The following PTPN3 variants were observed in gnomAD, a reference collection of about 807,000 sequenced individuals.
PTPN3 encodes the protein protein tyrosine phosphatase non-receptor type 3.
In PTPN3, 96 loss-of-function variants were observed where a neutral mutation model predicts 132.7. That is an observed-to-expected ratio of 0.72 (90% confidence interval 0.61 to 0.86). The LOEUF (loss-of-function observed/expected upper bound fraction) is 0.86, where lower values mean the gene tolerates loss of function less well. PTPN3 is among the 40% of genes least tolerant of loss of function. The probability of loss-of-function intolerance (pLI) is 0.00; values close to 1 mark genes in which losing one functional copy is unlikely to be tolerated. For missense variants in PTPN3, 1,125 were observed against 1,159.6 expected, an observed-to-expected ratio of 0.97 and a Z score of 0.43; for synonymous variants, 398 against 429.0, an observed-to-expected ratio of 0.93 and a Z score of 0.89.
intron 7 of PTPN3, among the ~76,000 whole-genome samples, chr9:109,444,026 C>T (rs1844676663): frequency 6.6e-6 from 1 of 152,142 alleles, no homozygotes; most frequent in Non-Finnish European, 1.5e-5. Context: ...CTCAGGAGTC[C>T]GTCAGCCTTC....
In PTPN3 at chr9:109,377,438, ACACACACACACACACACAC is replaced by A. The variant is rs1838664724; in HGVS notation, c.*2099_*2117del. ...CACACACACACACACACACACACAC[ACACACACACACACACACAC>A]AAGCCAGGTGAGGTGGCATGTGCCT... On this transcript the variant is annotated 3_prime_UTR_variant, in exon 26 of 26. Transcript: ENST00000374541. The A allele has an allele frequency of 6.9e-6, 1 of 145,426 alleles. No homozygotes were observed. Among genetic ancestry groups the A allele is most frequent in the African/African-American group, 2.8e-5 (1 of 36,286 alleles). 9.0% of individuals were successfully genotyped at this position (145,426 alleles called of 1,614,324 possible). A position where few individuals can be genotyped will look rare whatever the true frequency, so the allele number is the denominator to read the frequency against.
intron 8 of PTPN3, among the ~76,000 whole-genome samples, chr9:109,437,418 A>G (rs1043150331): frequency 1.3e-5 from 2 of 152,186 alleles, no homozygotes; most frequent in African/African-American, 2.4e-5. Context: ...AGGTTTGGCA[A>G]TGCCTTCTTA....
chr9:109,389,166 G>C lies in PTPN3; in HGVS notation c.2253+67C>G, dbSNP rs1588298484. 1.9e-6 allele frequency: 3 copies of C among 1,573,428 alleles called. No individual in the cohort carries two copies. In the East Asian group the frequency reaches 6.8e-5, roughly 36 times the overall value. On this transcript the variant is annotated intron_variant, in intron 22 of 25. Transcript: ENST00000374541. ...GACGCTGAAGACCCTTCTCAGCGCT[G>C]AGATTCATGTTACACAGAGTAGGGT...
At chr9:109,474,311 T>C (rs1846530450) in intron 1 of PTPN3, among the ~76,000 whole-genome samples, 1 of 152,202 alleles carries the variant, frequency 6.6e-6, no homozygotes, top group South Asian at 2.1e-4. Context: ...GGCTTGTCAA[T>C]CTTGTTTACA....
chr9:109,537,261 A>G, the PTPN3 span, among the ~76,000 whole-genome samples: 392 of 152,354 alleles, frequency 2.6e-3, 2 homozygotes, highest in African/African-American at 9.1e-3. Context: ...AGTCTTTCTA[A>G]AAAATTATAG....
chr9:109,475,414 G>C (rs970748269), intron 1 of PTPN3, among the ~76,000 whole-genome samples: 1 of 152,202 alleles, frequency 6.6e-6, no homozygotes, highest in Non-Finnish European at 1.5e-5. Flanking sequence ...AATAGGAGAT[G>C]AGGGACTATA....
chr9:109,384,696 T>C (rs966863060), intron 22 of PTPN3, among the ~76,000 whole-genome samples: 3 of 152,236 alleles, frequency 2.0e-5, no homozygotes, highest in Non-Finnish European at 2.9e-5. Flanking sequence ...CCTGAGCCTA[T>C]ATGTGGTTAT....
intron 25 of PTPN3, among the ~76,000 whole-genome samples, chr9:109,379,896 C>T (rs1838886917): frequency 6.6e-6 from 1 of 152,164 alleles, no homozygotes; most frequent in African/African-American, 2.4e-5. Context: ...GCAAAAGTCC[C>T]TGCGGGACAG....
chr9:109,465,670 T>C (rs566669112), intron 1 of PTPN3, among the ~76,000 whole-genome samples: 1 of 135,088 alleles, frequency 7.4e-6, no homozygotes, highest in Admixed American at 8.3e-5. Context: ...GATCTCGCCA[T>C]TGCACTCCCT....
intron 12 of PTPN3, among the ~76,000 whole-genome samples, chr9:109,424,925 T>C (rs1455427877): frequency 1.3e-5 from 2 of 152,102 alleles, no homozygotes; most frequent in African/African-American, 2.4e-5. Flanking sequence ...GATGAAGAAA[T>C]AGAAGCAACA....
the PTPN3 span, among the ~76,000 whole-genome samples, chr9:109,506,607 CT>C: frequency 0.54 from 71,181 of 131,436 alleles, 18,681 homozygotes; most frequent in East Asian, 0.88. Flanking sequence ...TTCTTTCTTT[CT>C]TTTTTTTTTT....
chr9:109,494,940 C>G (rs1029987515), intron 1 of PTPN3, among the ~76,000 whole-genome samples: 1 of 152,046 alleles, frequency 6.6e-6, no homozygotes, highest in African/African-American at 2.4e-5. Flanking sequence ...GGTGCACACA[C>G]AAGCAGAAGC....
chr9:109,404,191 G>A (rs1841370953), intron 19 of PTPN3, among the ~76,000 whole-genome samples: 1 of 152,174 alleles, frequency 6.6e-6, no homozygotes. Flanking sequence ...CAGCGAGGGT[G>A]GCCACCCTGA....
chr9:109,492,165 G>A (rs1237704856), intron 1 of PTPN3, among the ~76,000 whole-genome samples: 1 of 152,186 alleles, frequency 6.6e-6, no homozygotes, highest in African/African-American at 2.4e-5. Flanking sequence ...CCCTCCCCAG[G>A]CCCAATGGTG....
chr9:109,439,985 C>T (rs557685481), intron 7 of PTPN3, among the ~76,000 whole-genome samples: 9 of 143,848 alleles, frequency 6.3e-5, no homozygotes, highest in African/African-American at 2.3e-4. Context: ...GCCCTCACAA[C>T]ACAGGGCTGC....
At chr9:109,464,995 C>G (rs1846024993) in intron 1 of PTPN3, among the ~76,000 whole-genome samples, 2 of 152,206 alleles carry the variant, frequency 1.3e-5, no homozygotes, top group Non-Finnish European at 2.9e-5. Flanking sequence ...GCTAATGACA[C>G]TGGTGTACTC....
At chr9:109,498,639 C>T (rs1409019644), upstream of PTPN3, among the ~76,000 whole-genome samples, 2 of 152,176 alleles carry the variant, frequency 1.3e-5, no homozygotes, top group Non-Finnish European at 2.9e-5. The surrounding 1 kb of genome is among the most constrained non-coding windows in gnomAD (Gnocchi z 4.2). Flanking sequence ...TCTTGCACGA[C>T]GGGTGCGCGG....
intron 1 of PTPN3, among the ~76,000 whole-genome samples, chr9:109,480,946 G>T (rs1846930889): frequency 6.6e-6 from 1 of 152,162 alleles, no homozygotes; most frequent in African/African-American, 2.4e-5. Flanking sequence ...ATGGTTGGAT[G>T]GTTGATGGAT....
intron 1 of PTPN3, among the ~76,000 whole-genome samples, chr9:109,494,406 C>G (rs1182750448): frequency 6.6e-6 from 1 of 152,196 alleles, no homozygotes; most frequent in Admixed American, 6.5e-5. Context: ...CCACTGCACT[C>G]CAGCCTGATG....
Sources: allele counts gnomAD v4.1 joint callset (sites outside exome capture counted in the v4.1 genomes callset), GRCh38; gene constraint gnomAD v4.1.1; non-coding constraint Gnocchi (gnomAD v3.1); transcripts MANE v1.5; gene names NCBI Gene and HGNC (gene_info 2026-07-23, HGNC 2026-07-21).